The following CFAP46 variants were observed in gnomAD, a reference collection of about 807,000 sequenced individuals.
CFAP46 encodes the protein cilia and flagella associated protein 46, also known as cilia- and flagella-associated protein 46.
A neutral mutation model predicts 325.7 loss-of-function variants in CFAP46; 245 were observed. The observed-to-expected ratio is 0.75, with a 90% CI of 0.68 to 0.84. The LOEUF (loss-of-function observed/expected upper bound fraction) is 0.84, where lower values mean the gene tolerates loss of function less well. Among genes scored for constraint, CFAP46 ranks in the 40% least tolerant of loss-of-function variants. CFAP46 has a pLI of 0.00. For synonymous variants in CFAP46, 1,523 were observed against 1,495.9 expected (o/e 1.02, Z -0.42); for missense variants, 3,346 against 3,543.0 (o/e 0.94, Z 1.41).
At chr10:132,883,866 T>C (rs1849083101) in intron 27 of CFAP46, among the ~76,000 whole-genome samples, 1 of 152,180 alleles carries the variant, frequency 6.6e-6, no homozygotes, top group South Asian at 2.1e-4. Flanking sequence ...TGTGGCTTGC[T>C]GGGGCCAATG....
At chr10:132,813,999 A>T (rs1847637494) in intron 54 of CFAP46, among the ~76,000 whole-genome samples, 153 bp downstream of exon 54, 1 of 152,158 alleles carries the variant, frequency 6.6e-6, no homozygotes, top group Non-Finnish European at 1.5e-5. Context: ...CTCTGTGAGG[A>T]TTCAAGGAGC....
chr10:132,912,498 CCTCT>C (rs527534744), intron 19 of CFAP46, among the ~76,000 whole-genome samples, 153 bp downstream of exon 19: 103 of 93,926 alleles, frequency 1.1e-3, no homozygotes, highest in African/African-American at 4.0e-3. Flanking sequence ...TCCTCTTTCA[CCTCT>C]CTCTCCTCTC....
At chr10:132,916,188 T>C (rs1849634524) in intron 17 of CFAP46, among the ~76,000 whole-genome samples, 1 of 152,206 alleles carries the variant, frequency 6.6e-6, no homozygotes, top group African/African-American at 2.4e-5. Flanking sequence ...TTCTATTTTC[T>C]GCCACGAAGA....
rs1210876401 is a variant in CFAP46, at chr10:132,822,559, CTGA to C, written c.7118-7648_7118-7646del. Among the ~76,000 whole-genome samples the C allele has an allele frequency of 5.9e-4, 67 of 113,518 alleles. 1 individual carries two copies. The highest frequency in any genetic ancestry group is 1.7e-3 in the African/African-American group (48 of 28,232). 74.5% of individuals were successfully genotyped at this position (113,518 alleles called of 152,430 possible). On this transcript the variant is annotated intron_variant, in intron 50 of 57. Transcript: ENST00000368586. ...TGTGCTGACGTGTGCTGTGTGTGCG[CTGA>C]TGTGTGCTGTGTGTGTGCTGTGTGC...
Position 132,814,510 on chromosome 10 carries a change from A to G in CFAP46, c.7285+67T>C, listed in dbSNP as rs894041174. The G allele has an allele frequency of 5.0e-5, 77 of 1,538,238 alleles. No homozygotes were observed. In the African/African-American group the frequency reaches 9.5e-4, roughly 19 times the overall value. On this transcript the variant is annotated intron_variant, in intron 53 of 57. Coordinates refer to ENST00000368586, the MANE Select transcript of CFAP46 (RefSeq NM_001200049.3). ...GAGTGGGGCACCAGTTGCTGCCCAC[A>G]ACTGCAGGACGGCAGGAGGCCCGAG... is the stretch of plus-strand genomic sequence containing the variant.
At chr10:132,824,863 C>CTGATGTGTGCTGTGTGTGCAG (rs1848006593) in intron 50 of CFAP46, among the ~76,000 whole-genome samples, 24 of 123,732 alleles carry the variant, frequency 1.9e-4, no homozygotes, top group African/African-American at 7.2e-4. Flanking sequence ...TGTGTGTGTG[C>CTGATGTGTGCTGTGTGTGCAG]TGATGTGTGC....
chr10:132,898,927 G>C, intron 24 of CFAP46, 32 bp downstream of exon 24: 1 of 1,550,006 alleles, frequency 6.5e-7, no homozygotes, highest in South Asian at 1.2e-5. Context: ...GGCCTCAGTG[G>C]GAGTCAGGAG....
rs752202759 is a variant in CFAP46, at chr10:132,812,878, C to T, written c.7408G>A (p.Ala2470Thr). Residue 2470 changes from alanine to threonine, a missense_variant, in exon 55 of 58, where the codon GCC becomes ACC. Coordinates refer to ENST00000368586, the MANE Select transcript of CFAP46 (RefSeq NM_001200049.3). ...HFPSQAQWEQ[A>T]LGSCSGFFFY... ...AAGAAACCGCTGCAGCTGCCCAGGG[C>T]CTGCTCCCACTGGGCCTGGCTGCAG... 7.5e-6 allele frequency: 12 copies of T among 1,608,830 alleles called. No homozygotes were observed. The Admixed American group carries it at 1.7e-4, about 22-fold the overall frequency.
intron 51 of CFAP46, 30 bp from the exon 52 acceptor site, chr10:132,814,776 C>CAG (rs1247665039): frequency 1.9e-6 from 3 of 1,613,390 alleles, no homozygotes; most frequent in Non-Finnish European, 1.7e-6. Context: ...TCAGCAGGTG[C>CAG]AGGGGCCAGG....
intron 27 of CFAP46, among the ~76,000 whole-genome samples, chr10:132,883,539 G>A (rs1209185057): frequency 6.6e-6 from 1 of 152,352 alleles, no homozygotes; most frequent in Admixed American, 6.5e-5. Context: ...CTGTGAGGCC[G>A]CTGTGGGAGA....
intron 35 of CFAP46, among the ~76,000 whole-genome samples, chr10:132,861,487 C>T (rs1462502497): frequency 1.3e-5 from 2 of 152,222 alleles, no homozygotes; most frequent in African/African-American, 4.8e-5. Flanking sequence ...TTTAGGGGCT[C>T]CCGCTTGGGG....
At chr10:132,873,555 G>A (rs1165787119) in intron 31 of CFAP46, among the ~76,000 whole-genome samples, 5 of 152,126 alleles carry the variant, frequency 3.3e-5, no homozygotes, top group African/African-American at 9.7e-5. Flanking sequence ...TCCGCATCGT[G>A]CTGCAGGCTG....
Position 132,922,142 on chromosome 10 carries a change from G to A in CFAP46, c.1568C>T (p.Ala523Val), listed in dbSNP as rs1158805265. The A allele has an allele frequency of 1.5e-5, 23 of 1,550,264 alleles. No individual in the cohort carries two copies. The highest frequency in any genetic ancestry group is 4.8e-5 in the South Asian group (4 of 84,070). Residue 523 changes from alanine (A) to valine (V), a missense_variant, in exon 13 of 58, where the codon GCG becomes GTG. Ala to Val is a moderately conservative substitution (Grantham distance 64). Transcript: ENST00000368586. Reference protein sequence around the residue: ...VNAGLALAPDAFQIVLDSENE... With the variant: ...VNAGLALAPDVFQIVLDSENE... ...CTCACTGTCCAGCACAATCTGAAAC[G>A]CGTCAGGGGCTAAGGCCAGGCCTGC...
At chr10:132,915,941 T>C (rs1849631430) in intron 17 of CFAP46, among the ~76,000 whole-genome samples, 3 of 152,212 alleles carry the variant, frequency 2.0e-5, no homozygotes, top group African/African-American at 7.2e-5. Flanking sequence ...AAGTTAAAAA[T>C]ATTTAATTTT....
chr10:132,889,113 C>T lies in CFAP46; in HGVS notation c.3305-3154G>A, dbSNP rs972673574. ...GGAAAGACAAACCCCTTTCTCCCAG[C>T]GCCCTCCCCCAGCACTCTGCAGGCC... On this transcript the variant is annotated intron_variant, in intron 25 of 57. Coordinates refer to ENST00000368586, the MANE Select transcript of CFAP46 (RefSeq NM_001200049.3). This position sits in a 1 kb window ranked among gnomAD's most constrained non-coding sequence, Gnocchi z 6.0. 1.3e-5 allele frequency among the ~76,000 whole-genome samples: 2 copies of T among 152,216 alleles called. No individual in the cohort carries two copies. Among genetic ancestry groups the T allele is most frequent in the African/African-American group, 2.4e-5 (1 of 41,454 alleles).
At chr10:132,837,754 GAC>G (rs68153615) in intron 44 of CFAP46, among the ~76,000 whole-genome samples, 8,130 of 101,260 alleles carry the variant, frequency 0.08, 1,060 homozygotes, top group African/African-American at 0.28. Flanking sequence ...GATGCGCACG[GAC>G]ACACACGCAC....
At chr10:132,905,451 T>G (rs79806843) in intron 22 of CFAP46, among the ~76,000 whole-genome samples, 1 of 67,010 alleles carries the variant, frequency 1.5e-5, no homozygotes, top group African/African-American at 8.0e-5. Context: ...ATATCTTTCC[T>G]TTTTTTTTTT....
chr10:132,937,867 C>T (rs1850033527), intron 5 of CFAP46, among the ~76,000 whole-genome samples, 192 bp from the exon 6 acceptor site: 1 of 152,194 alleles, frequency 6.6e-6, no homozygotes, highest in Admixed American at 6.5e-5. Flanking sequence ...CAGCTCGTTA[C>T]CGCTAGCACC....
intron 2 of CFAP46, 37 bp downstream of exon 2, chr10:132,941,939 TGTCA>T: frequency 6.5e-7 from 1 of 1,548,534 alleles, no homozygotes; most frequent in African/African-American, 1.4e-5. Context: ...TCCCTCTCCC[TGTCA>T]AAGCTGCCCT....
Sources: gnomAD v4.1 joint callset for allele counts (sites outside exome capture counted in the v4.1 genomes callset) on GRCh38, gnomAD v4.1.1 for gene constraint, Gnocchi (gnomAD v3.1) non-coding constraint, MANE v1.5 for transcripts, NCBI Gene and HGNC (gene_info 2026-07-23, HGNC 2026-07-21) for gene names.